NRCAM: variants seen among roughly 807,000 people sequenced by gnomAD.
NRCAM encodes the protein NgCAM-related cell adhesion molecule.
In NRCAM, 83 loss-of-function variants were observed where a neutral mutation model predicts 156.5. That is an observed-to-expected ratio of 0.53 (90% CI 0.44 to 0.64). The LOEUF (loss-of-function observed/expected upper bound fraction) is 0.64. Among genes scored for constraint, NRCAM ranks in the 30% least tolerant of loss-of-function variants. The pLI is 0.00. For synonymous variants in NRCAM, 538 were observed against 563.9 expected (o/e 0.95, Z 0.65); for missense variants, 1,417 against 1,597.3 (o/e 0.89, Z 1.92).
chr7:108,365,453 T>A (rs2099586135), intron 2 of NRCAM, among the ~76,000 whole-genome samples: 1 of 152,218 alleles, frequency 6.6e-6, no homozygotes, highest in Non-Finnish European at 1.5e-5. Context: ...GATGTTTCAA[T>A]ACATGTATAT....
At chr7:108,370,080 A>G (rs1446594023) in intron 2 of NRCAM, among the ~76,000 whole-genome samples, 1 of 152,182 alleles carries the variant, frequency 6.6e-6, no homozygotes, top group East Asian at 1.9e-4. Context: ...CCTATTTTCT[A>G]GGCTTGATGA....
At chr7:108,455,256 AC>A (rs1168998526) in intron 1 of NRCAM, among the ~76,000 whole-genome samples, 1 of 151,976 alleles carries the variant, frequency 6.6e-6, no homozygotes, top group African/African-American at 2.4e-5. Flanking sequence ...GAGCTGGCCA[AC>A]CGCCTGGGAC....
intron 13 of NRCAM, 70 bp downstream of exon 13, chr7:108,207,458 T>C (rs1431224127): frequency 4.0e-6 from 6 of 1,481,788 alleles, no homozygotes; most frequent in Non-Finnish European, 5.5e-6. Flanking sequence ...TTTATCACCA[T>C]TTATTCACTG....
At chr7:108,241,459 G>C (rs1486284779) in intron 3 of NRCAM, among the ~76,000 whole-genome samples, 1 of 152,152 alleles carries the variant, frequency 6.6e-6, no homozygotes, top group Non-Finnish European at 1.5e-5. Context: ...GAAGGTGGGA[G>C]GGATGTTATT....
intron 11 of NRCAM, among the ~76,000 whole-genome samples, chr7:108,210,812 T>C (rs1217770199): frequency 1.3e-5 from 2 of 152,166 alleles, no homozygotes; most frequent in African/African-American, 2.4e-5. Flanking sequence ...GAGCTGTGTG[T>C]TGGGAAGATG....
chr7:108,407,352 CTTTT>C (rs1348464631), intron 1 of NRCAM, among the ~76,000 whole-genome samples: 14 of 152,106 alleles, frequency 9.2e-5, no homozygotes, highest in Non-Finnish European at 1.2e-4. Flanking sequence ...AACTGGCTGA[CTTTT>C]TATATGATTT....
intron 3 of NRCAM, among the ~76,000 whole-genome samples, chr7:108,302,768 T>C (rs2098647444): frequency 6.6e-6 from 1 of 152,176 alleles, no homozygotes; most frequent in Non-Finnish European, 1.5e-5. Flanking sequence ...TTTCCTAAAA[T>C]ATAGATGCCA....
chr7:108,417,256 G>T (rs1280337030), intron 1 of NRCAM, among the ~76,000 whole-genome samples: 1 of 152,164 alleles, frequency 6.6e-6, no homozygotes, highest in African/African-American at 2.4e-5. Context: ...CTGAGACTGG[G>T]TAACTTATAA....
chr7:108,407,923 C>T (rs1011179625), intron 1 of NRCAM, among the ~76,000 whole-genome samples: 6 of 152,092 alleles, frequency 3.9e-5, no homozygotes, highest in Non-Finnish European at 7.4e-5. Flanking sequence ...ATTGAGATTC[C>T]GATTTAATTG....
chr7:108,409,653 G>A (rs888973966), intron 1 of NRCAM, among the ~76,000 whole-genome samples: 3 of 152,156 alleles, frequency 2.0e-5, no homozygotes, highest in Non-Finnish European at 4.4e-5. Context: ...GAGCATGATG[G>A]CTTCCCCCAT....
intron 2 of NRCAM, among the ~76,000 whole-genome samples, chr7:108,360,187 G>C (rs532044810): frequency 6.6e-6 from 1 of 152,308 alleles, no homozygotes; most frequent in African/African-American, 2.4e-5. Flanking sequence ...TCAGACAATA[G>C]TGGAGTAGGT....
intron 3 of NRCAM, among the ~76,000 whole-genome samples, chr7:108,282,695 T>A (rs1270471308): frequency 6.9e-6 from 1 of 144,868 alleles, no homozygotes; most frequent in Non-Finnish European, 1.5e-5. Context: ...TGCGGATTGT[T>A]CTCTCATGAA....
intron 3 of NRCAM, among the ~76,000 whole-genome samples, chr7:108,266,334 GAAGA>G (rs1304460324): frequency 6.6e-6 from 1 of 152,200 alleles, no homozygotes; most frequent in Non-Finnish European, 1.5e-5. Flanking sequence ...AGGCAGATAT[GAAGA>G]AATGCTGCTA....
At chr7:108,198,259 A>C (rs952461383) in intron 13 of NRCAM, among the ~76,000 whole-genome samples, 160 bp from the exon 14 acceptor site, 3 of 152,192 alleles carry the variant, frequency 2.0e-5, no homozygotes, top group African/African-American at 7.2e-5. Flanking sequence ...TCCTTCTCAG[A>C]ATTGAGTTAT....
rs2062767950 is a variant in NRCAM at position 108,180,319 on chromosome 7, C to G, written c.2755G>C (p.Glu919Gln). The change falls in exon 25 of 33, where the codon GAG (glutamate) becomes CAG (glutamine). Residue 919 changes from glutamate (E) to glutamine (Q), a missense_variant. By Grantham distance (29) the Glu-to-Gln change is conservative. Around this residue, in one of 2 missense-constraint regions of NRCAM, gnomAD observed 1,238 missense variants for 1,336.4 expected, o/e 0.93. Coordinates refer to ENST00000379028, the MANE Select transcript of NRCAM (RefSeq NM_001037132.4). ...TTCAGTGTGTAGTGGCTAAAGGGCT[C>G]TAGCCCCGGCAACATGCCATGAGTC... Reference protein sequence around the residue: ...SKTHGMLPGLEPFSHYTLNVR... With the variant: ...SKTHGMLPGLQPFSHYTLNVR... 3.1e-6 allele frequency: 5 copies of G among 1,614,062 alleles called. No homozygotes were observed. Among genetic ancestry groups the G allele is most frequent in the South Asian group, 1.1e-5 (1 of 91,084 alleles).
chr7:108,285,388 C>G (rs2098054180), intron 3 of NRCAM, among the ~76,000 whole-genome samples: 1 of 152,190 alleles, frequency 6.6e-6, no homozygotes, highest in Non-Finnish European at 1.5e-5. Context: ...GGGGTACTAT[C>G]AGGGAATATG....
intron 3 of NRCAM, among the ~76,000 whole-genome samples, chr7:108,248,449 AAGG>A (rs899191585): frequency 3.9e-5 from 6 of 152,060 alleles, no homozygotes; most frequent in African/African-American, 1.2e-4. Context: ...GTAGTAATGC[AAGG>A]AGAAGAGAGA....
chr7:108,420,439 T>C (rs1239183396), intron 1 of NRCAM, among the ~76,000 whole-genome samples: 2 of 152,190 alleles, frequency 1.3e-5, no homozygotes, highest in African/African-American at 4.8e-5. Flanking sequence ...TGCTGATCTT[T>C]AAAGTAAATA....
intron 2 of NRCAM, among the ~76,000 whole-genome samples, chr7:108,392,166 T>C (rs2099762406): frequency 6.6e-6 from 1 of 152,194 alleles, no homozygotes; most frequent in Non-Finnish European, 1.5e-5. Context: ...TCCTGCAGAG[T>C]GTTTTCCAAC....
Sources: gnomAD v4.1 joint callset for allele counts (sites outside exome capture counted in the v4.1 genomes callset) on GRCh38, gnomAD v4.1.1 for gene constraint, gnomAD v4.1.1 regional missense constraint, MANE v1.5 for transcripts, NCBI Gene and HGNC (gene_info 2026-07-23, HGNC 2026-07-21) for gene names.